The following FCSK variants were observed in gnomAD, a reference collection of about 807,000 sequenced individuals.
The protein encoded by FCSK is L-fucose kinase.
A neutral mutation model predicts 122.5 loss-of-function variants in FCSK; 123 were observed. The ratio of observed to expected loss-of-function variants is 1.00; its 90% CI spans 0.87 to 1.17. The LOEUF (loss-of-function observed/expected upper bound fraction) is 1.17, where lower values mean the gene tolerates loss of function less well. Among genes scored for constraint, FCSK ranks in the 50% most tolerant of loss-of-function variants. The pLI, the probability that FCSK is intolerant of heterozygous loss-of-function variation, is 0.00. For synonymous variants in FCSK, 620 were observed against 625.5 expected, an observed-to-expected ratio of 0.99 and a Z score of 0.13; for missense variants, 1,366 against 1,450.4, an observed-to-expected ratio of 0.94 and a Z score of 0.95.
intron 1 of FCSK, among the ~76,000 whole-genome samples, chr16:70,459,817 T>G (rs2048206657): frequency 6.7e-6 from 1 of 149,802 alleles, no homozygotes; most frequent in African/African-American, 2.5e-5. Context: ...TTTTTTTTTT[T>G]CGAGATAGAT....
At chr16:70,457,430 C>T (rs562823050) in intron 1 of FCSK, among the ~76,000 whole-genome samples, 43 of 151,732 alleles carry the variant, frequency 2.8e-4, no homozygotes, top group African/African-American at 1.0e-3. Flanking sequence ...AATTTTTGTA[C>T]TTTTAAAAGA....
intron 15 of FCSK, 80 bp from the exon 16 acceptor site, chr16:70,474,049 G>A: frequency 7.4e-7 from 1 of 1,352,564 alleles, no homozygotes; most frequent in Non-Finnish European, 1.0e-6. Flanking sequence ...CGCATTTAGG[G>A]ACTGTTGAGT....
chr16:70,474,243 A>G lies in FCSK; in HGVS notation c.1892A>G (p.Asn631Ser), dbSNP rs770074270. Residue 631 changes from asparagine (N) to serine (S), a missense_variant, in exon 16 of 24, where the codon AAC becomes AGC. Asn to Ser is a conservative substitution (Grantham distance 46, BLOSUM62 1). Coordinates refer to ENST00000288078, the MANE Select transcript of FCSK (RefSeq NM_145059.3). ...GGCTTGCGGAGCGGGCCAGCTGCCA[A>G]CCCTGAGTGGATGCGGCCCTTCTCA... ...RGGLRSGPAA[N>S]PEWMRPFSYL... is the part of the protein sequence containing the mutation. 1.6e-5 allele frequency: 25 copies of G among 1,610,846 alleles called. No individual in the cohort carries two copies. In the South Asian group the frequency reaches 2.3e-4, roughly 15 times the overall value.
intron 11 of FCSK, 66 bp from the exon 12 acceptor site, chr16:70,470,905 T>G: frequency 7.1e-7 from 1 of 1,416,098 alleles, no homozygotes; most frequent in South Asian, 1.3e-5. Flanking sequence ...ATGCTTGGCT[T>G]GGGAGGAGAG....
intron 1 of FCSK, among the ~76,000 whole-genome samples, chr16:70,459,890 C>G (rs1332247762): frequency 6.6e-6 from 1 of 150,690 alleles, no homozygotes; most frequent in Non-Finnish European, 1.5e-5. Context: ...CAATCTCTGT[C>G]TCCCAGGTTG....
chr16:70,460,204 C>A (rs548803989), intron 1 of FCSK, among the ~76,000 whole-genome samples: 1 of 147,850 alleles, frequency 6.8e-6, no homozygotes, highest in African/African-American at 2.5e-5. Context: ...CTCCGCCTCC[C>A]GGGTTCATGC....
In FCSK at chr16:70,467,490, G is replaced by A; in HGVS notation, c.582+19G>A. ...CCCCCAGGTAGTGCCCCTGGGGACA[G>A]TGGAGCCGGCTGGGGCAGCCTTCCT... On this transcript the variant is annotated intron_variant, in intron 7 of 23. Transcript: ENST00000288078. The A allele has an allele frequency of 6.4e-7, 1 of 1,560,860 alleles. No homozygotes were observed. Among genetic ancestry groups the A allele is most frequent in the Non-Finnish European group, 8.7e-7 (1 of 1,150,616 alleles).
rs1344098120 is a variant in FCSK, at chr16:70,473,581, G to A, written c.1777+228G>A. On this transcript the variant is annotated intron_variant, in intron 15 of 23. Coordinates refer to ENST00000288078, the MANE Select transcript of FCSK (RefSeq NM_145059.3). The surrounding 1 kb of genome is among the most constrained non-coding windows in gnomAD (Gnocchi z 4.9). ...TCAGTGGGGTTTGGTCAGAGGTTGA[G>A]GCCTGGCAGCTGAGCTCTAGGTCCT... is the stretch of plus-strand genomic sequence containing the variant. 6.6e-6 allele frequency among the ~76,000 whole-genome samples: 1 copy of A among 152,178 alleles called. No individual in the cohort carries two copies. The highest frequency in any genetic ancestry group is 1.5e-5 in the Non-Finnish European group (1 of 68,012).
Position 70,463,873 on chromosome 16 carries a change from C to T in FCSK, c.234+99C>T, listed in dbSNP as rs542063034. 4 of 1,292,500 alleles carry T rather than the reference C, an allele frequency of 3.1e-6. No homozygotes were observed. In the African/African-American group the frequency reaches 5.9e-5, roughly 19 times the overall value. The allele number at this position is 1,292,500 out of a possible 1,614,324, so 80.1% of individuals were successfully genotyped here. ...CCTCTGGCTCCATCGCCTTGGCCAA[C>T]TCAGCATTGGTCTCAGTTTTTGTTT... On this transcript the variant is annotated intron_variant, in intron 3 of 23. Transcript: ENST00000288078.
At chr16:70,469,409 C>G (rs1311950408) in intron 10 of FCSK, 86 bp downstream of exon 10, 6 of 1,317,070 alleles carry the variant, frequency 4.6e-6, no homozygotes, top group Non-Finnish European at 4.1e-6. Flanking sequence ...CATGCTGGGC[C>G]AGGCAGCCCA....
At chr16:70,454,667 G>C (rs1462365786) in intron 1 of FCSK, 37 bp downstream of exon 1, 1 of 140,758 alleles carries the variant, frequency 7.1e-6, no homozygotes, top group Non-Finnish European at 1.5e-5. Context: ...AGCGCCCCTT[G>C]CGCCCCTTGC....
In FCSK at chr16:70,479,384, C is replaced by T. The variant is rs766699549; in HGVS notation, c.3134C>T (p.Ala1045Val). ...CCACAGCAAAAGGAGGCCTTGGAGG[C>T]GGTGCTGGCCAAGACCGAGGTACTG... ...KEPQQKEALE[A>V]VLAKTEGLGN... Residue 1045 changes from alanine to valine, a missense_variant, in exon 23 of 24, where the codon GCG becomes GTG. Transcript: ENST00000288078. The T allele has an allele frequency of 9.3e-6, 15 of 1,613,148 alleles. No homozygotes were observed. The highest frequency in any genetic ancestry group is 6.7e-5 in the African/African-American group (5 of 74,912).
At chr16:70,460,694 C>T (rs556086170) in intron 1 of FCSK, among the ~76,000 whole-genome samples, 6 of 152,328 alleles carry the variant, frequency 3.9e-5, no homozygotes, top group East Asian at 1.9e-4. Flanking sequence ...TGAGCCACTG[C>T]GCCCAGGTGG....
chr16:70,469,524 C>G (rs2048542107), intron 10 of FCSK, among the ~76,000 whole-genome samples: 1 of 152,156 alleles, frequency 6.6e-6, no homozygotes, highest in African/African-American at 2.4e-5. Context: ...CTCTCCCAGC[C>G]TGTCCACTTT....
In FCSK at chr16:70,474,509, C is replaced by T; in HGVS notation, c.1989-19C>T. The T allele has an allele frequency of 6.5e-7, 1 of 1,546,666 alleles. No homozygotes were observed. Among genetic ancestry groups the T allele is most frequent in the South Asian group, 1.2e-5 (1 of 84,040 alleles). ...AGCTTGGGGCTGCATGCCACCATCC[C>T]TCCCCCTTCTCTTGGCAGGCCAGCC... On this transcript the variant is annotated intron_variant, in intron 16 of 23. Coordinates refer to ENST00000288078, the MANE Select transcript of FCSK (RefSeq NM_145059.3).
chr16:70,469,259 G>A lies in FCSK; in HGVS notation c.891G>A (p.Ala297=), dbSNP rs768089135. The A allele has an allele frequency of 6.2e-6, 10 of 1,613,498 alleles. No individual in the cohort carries two copies. The highest frequency in any genetic ancestry group is 3.3e-5 in the Admixed American group (2 of 59,992). The change falls in exon 10 of 24, where the codon GCG becomes GCA. Residue 297 remains alanine (A), a synonymous_variant. Transcript: ENST00000288078. ...PELGQGDADV[A]GYLQSARAQL... ...TGGGGCAAGGCGATGCAGATGTAGC[G>A]GGTTATCTGCAGAGCGCCCGGGCCC...
rs774838734 is a variant in FCSK, at chr16:70,464,699, C to CAA, written c.235-407_235-406dup. On this transcript the variant is annotated intron_variant, in intron 3 of 23. Transcript: ENST00000288078. ...TGGGCAACAGAGCGAGACTGCATCT[C>CAA]AAAAAAAAAAAAAAAAAAAAATTTA... Among the ~76,000 whole-genome samples, 129 of 52,830 alleles carry CAA rather than the reference C, an allele frequency of 2.4e-3. 2 individuals are homozygous for CAA. The highest frequency in any genetic ancestry group is 5.7e-3 in the African/African-American group (102 of 18,038). The allele number at this position is 52,830 out of a possible 152,430, so 34.7% of individuals were successfully genotyped here.
Position 70,478,326 on chromosome 16 carries a change from G to A in FCSK, c.2696G>A (p.Arg899His), listed in dbSNP as rs759721515. The change falls in exon 21 of 24, where the codon CGC (arginine) becomes CAC (histidine). Residue 899 changes from arginine to histidine, a missense_variant. Arg to His is a conservative substitution (Grantham distance 29, BLOSUM62 0). Transcript: ENST00000288078. Reference sequence around the variant, plus strand: ...CTAATGCCTGGCATCAAGGTGGGGCGCTCCCGGGCTCAGCTGCCACTGAAG... The same window carrying A: ...CTAATGCCTGGCATCAAGGTGGGGCACTCCCGGGCTCAGCTGCCACTGAAG... ...GGLMPGIKVG[R>H]SRAQLPLKVE... 3.8e-5 allele frequency: 62 copies of A among 1,614,086 alleles called. No homozygotes were observed. The highest frequency in any genetic ancestry group is 3.6e-4 in the East Asian group (16 of 44,902).
At chr16:70,468,048 C>G in intron 8 of FCSK, 82 bp downstream of exon 8, 1 of 1,020,740 alleles carries the variant, frequency 9.8e-7, no homozygotes, top group Non-Finnish European at 1.5e-6. Flanking sequence ...TCGATTCCTT[C>G]TAGAAGCCTC....
Sources: gnomAD v4.1 joint callset for allele counts (sites outside exome capture counted in the v4.1 genomes callset) on GRCh38, gnomAD v4.1.1 for gene constraint, Gnocchi (gnomAD v3.1) non-coding constraint, MANE v1.5 for transcripts, NCBI Gene and HGNC (gene_info 2026-07-23, HGNC 2026-07-21) for gene names.